Variants in ZNF385D observed in about 807,000 individuals in gnomAD.
ZNF385D encodes zinc finger protein 385D, also known as zinc finger protein 659.
ZNF385D carries 15 observed loss-of-function variants against 35.8 expected under a neutral mutation model. The observed-to-expected ratio is 0.42, with a 90% CI of 0.28 to 0.64. The LOEUF (loss-of-function observed/expected upper bound fraction) is 0.64, where lower values mean the gene tolerates loss of function less well. Ranked by LOEUF, ZNF385D falls within the 30% of genes least tolerant of loss-of-function variation. The probability of loss-of-function intolerance (pLI) is 0.23; values close to 1 mark genes in which losing one functional copy is unlikely to be tolerated. For missense variants in ZNF385D, 474 were observed against 494.6 expected, an observed-to-expected ratio of 0.96 and a Z score of 0.39; for synonymous variants, 212 against 186.8, an observed-to-expected ratio of 1.13 and a Z score of -1.10.
At chr3:22,296,512 A>G (rs1346239767) in intron 2 of ZNF385D, among the ~76,000 whole-genome samples, 1 of 152,158 alleles carries the variant, frequency 6.6e-6, no homozygotes, top group Non-Finnish European at 1.5e-5. Context: ...AGAATTGGAC[A>G]GGGAACGCCT....
At chr3:22,095,392 A>G (rs1318438595) in intron 3 of ZNF385D, among the ~76,000 whole-genome samples, 1 of 151,708 alleles carries the variant, frequency 6.6e-6, no homozygotes, top group African/African-American at 2.4e-5. Flanking sequence ...CTTTTTTCAT[A>G]TGGTAACTTA....
chr3:21,868,156 G>A (rs1386810787), intron 3 of ZNF385D, among the ~76,000 whole-genome samples: 2 of 152,114 alleles, frequency 1.3e-5, no homozygotes, highest in Non-Finnish European at 2.9e-5. Flanking sequence ...TTTCTGTAGA[G>A]TCAGAGAGTA....
At chr3:22,175,191 A>G (rs936274267) in intron 2 of ZNF385D, among the ~76,000 whole-genome samples, 3 of 152,084 alleles carry the variant, frequency 2.0e-5, no homozygotes, top group Non-Finnish European at 4.4e-5. Flanking sequence ...AGGTAAAAAT[A>G]TAACAAAGAT....
chr3:21,855,896 G>C (rs1696686380), intron 3 of ZNF385D, among the ~76,000 whole-genome samples: 1 of 151,794 alleles, frequency 6.6e-6, no homozygotes, highest in Non-Finnish European at 1.5e-5. Flanking sequence ...ATCTTGCTGA[G>C]GTTTTTAGAG....
intron 2 of ZNF385D, among the ~76,000 whole-genome samples, chr3:22,217,864 G>T (rs1011274086): frequency 4.6e-5 from 7 of 151,884 alleles, no homozygotes; most frequent in Middle Eastern, 3.2e-3. Context: ...ACCTCTAACT[G>T]CACAATCTCC....
intron 3 of ZNF385D, among the ~76,000 whole-genome samples, chr3:21,950,771 C>T (rs868094195): frequency 2.0e-5 from 3 of 151,742 alleles, no homozygotes; most frequent in Admixed American, 1.3e-4. Context: ...ATATGGCTAG[C>T]CAGTTTTCCC....
chr3:21,832,506 CAG>C, intron 3 of ZNF385D, among the ~76,000 whole-genome samples: 1 of 152,180 alleles, frequency 6.6e-6, no homozygotes, highest in Non-Finnish European at 1.5e-5. Context: ...CTCATGATTA[CAG>C]AAAGTTGTAC....
chr3:21,972,078 G>A (rs1286830452), intron 3 of ZNF385D, among the ~76,000 whole-genome samples: 1 of 151,826 alleles, frequency 6.6e-6, no homozygotes, highest in African/African-American at 2.4e-5. Context: ...AAGAAAAATT[G>A]AACTTGATAT....
intron 2 of ZNF385D, among the ~76,000 whole-genome samples, chr3:22,340,657 T>C (rs1695381423): frequency 6.6e-6 from 1 of 151,906 alleles, no homozygotes; most frequent in Non-Finnish European, 1.5e-5. Flanking sequence ...AAAATAATAA[T>C]AATAAGATGT....
intron 3 of ZNF385D, among the ~76,000 whole-genome samples, chr3:21,909,309 T>C (rs1181046159): frequency 6.6e-6 from 1 of 152,078 alleles, no homozygotes; most frequent in Non-Finnish European, 1.5e-5. Flanking sequence ...CTCTTTTTTA[T>C]GCAGCAAAAG....
At chr3:21,799,086 T>C (rs945501504) in intron 3 of ZNF385D, among the ~76,000 whole-genome samples, 3 of 152,166 alleles carry the variant, frequency 2.0e-5, no homozygotes, top group Non-Finnish European at 2.9e-5. Flanking sequence ...CGTAATTCAC[T>C]TAGCATGTTT....
Position 22,155,659 on chromosome 3 carries a change from T to C in ZNF385D, c.325+13158A>G, listed in dbSNP as rs192488110. On this transcript the variant is annotated intron_variant, in intron 3 of 5. Transcript: ENST00000494108. The stretch of plus-strand genomic sequence containing the variant: ...TCAAATGTAAGAACTCCTGTTAAAA[T>C]AGTTAATAAAGAGAACATGTCCCTA... Among the ~76,000 whole-genome samples the C allele has an allele frequency of 1.9e-3, 287 of 152,196 alleles. 1 individual carries two copies. The highest frequency in any genetic ancestry group is 4.2e-3 in the African/African-American group (176 of 41,562).
intron 3 of ZNF385D, among the ~76,000 whole-genome samples, chr3:21,556,197 C>A (rs745449175): frequency 1.4e-5 from 2 of 144,664 alleles, no homozygotes; most frequent in African/African-American, 5.1e-5. Flanking sequence ...ATGATAGTTT[C>A]TTTTGCTGTG....
chr3:21,982,213 T>G (rs539266005), intron 3 of ZNF385D, among the ~76,000 whole-genome samples: 1 of 152,028 alleles, frequency 6.6e-6, no homozygotes, highest in Non-Finnish European at 1.5e-5. Context: ...GAGCGTGGGA[T>G]TTTTCTTCCA....
intron 3 of ZNF385D, among the ~76,000 whole-genome samples, chr3:22,037,771 G>A (rs1210575989): frequency 1.3e-5 from 2 of 152,096 alleles, no homozygotes; most frequent in Non-Finnish European, 2.9e-5. Flanking sequence ...TTTTAGACAT[G>A]AAGTCCTTGC....
chr3:22,104,945 T>G (rs138054101), intron 3 of ZNF385D, among the ~76,000 whole-genome samples: 1 of 152,144 alleles, frequency 6.6e-6, no homozygotes, highest in Non-Finnish European at 1.5e-5. Flanking sequence ...CTGAAGCTTG[T>G]TGCAACTTGC....
intron 2 of ZNF385D, among the ~76,000 whole-genome samples, chr3:22,268,907 G>T (rs1464247638): frequency 6.6e-6 from 1 of 151,836 alleles, no homozygotes; most frequent in Non-Finnish European, 1.5e-5. Flanking sequence ...ATGGGGTTGT[G>T]GTGAAGATAT....
intron 2 of ZNF385D, among the ~76,000 whole-genome samples, chr3:22,241,168 A>T (rs1699473144): frequency 6.6e-6 from 1 of 151,212 alleles, no homozygotes; most frequent in African/African-American, 2.4e-5. Context: ...GCCCAACTGT[A>T]CTGAAACATT....
rs1393933544 is a variant in ZNF385D at position 21,636,391 on chromosome 3, TATATATATATATATATATATATA to T, written c.165+28472_165+28494del. On this transcript the variant is annotated intron_variant, in intron 2 of 7. Transcript: ENST00000281523. ...ATATATATATGATTATATATATATA[TATATATATATATATATATATATA>T]GAGTTTCTTAAGGAGTATTAACTCA... Among the ~76,000 whole-genome samples the T allele has an allele frequency of 2.2e-4, 8 of 36,608 alleles. No individual in the cohort carries two copies. The South Asian group carries it at 5.4e-3, about 25-fold the overall frequency. The allele number at this position is 36,608 out of a possible 152,430, so 24.0% of individuals were successfully genotyped here. A position where few individuals can be genotyped will look rare whatever the true frequency, so the allele number is the denominator to read the frequency against.
Sources: allele counts gnomAD v4.1 joint callset (sites outside exome capture counted in the v4.1 genomes callset), GRCh38; gene constraint gnomAD v4.1.1; transcripts MANE v1.5; gene names NCBI Gene and HGNC (gene_info 2026-07-23, HGNC 2026-07-21).